PLSCR5: variants seen among roughly 807,000 people sequenced by gnomAD.
PLSCR5 encodes the protein phospholipid scramblase family member 5, also known as phospholipid scramblase family, member 5.
A neutral mutation model predicts 33.6 loss-of-function variants in PLSCR5; 44 were observed. The ratio of observed to expected loss-of-function variants is 1.31; its 90% CI spans 1.03 to 1.69. The LOEUF is 1.69. PLSCR5 is among the 40% of genes most tolerant of loss of function. The probability of loss-of-function intolerance (pLI) is 0.00; values close to 1 mark genes in which losing one functional copy is unlikely to be tolerated. For synonymous variants in PLSCR5, 148 were observed against 112.3 expected, an observed-to-expected ratio of 1.32 and a Z score of -2.01; for missense variants, 375 against 318.7, an observed-to-expected ratio of 1.18 and a Z score of -1.34.
chr3:146,597,981 G>A (rs990439183), intron 2 of PLSCR5, among the ~76,000 whole-genome samples: 2 of 151,898 alleles, frequency 1.3e-5, no homozygotes, highest in African/African-American at 2.4e-5. Flanking sequence ...ACAGTAAAAT[G>A]TTATTGACTG....
At chr3:146,598,142 G>A (rs2044778523) in intron 2 of PLSCR5, among the ~76,000 whole-genome samples, 1 of 152,068 alleles carries the variant, frequency 6.6e-6, no homozygotes, top group South Asian at 2.1e-4. Flanking sequence ...TTGATTAAAA[G>A]AGAATAGATG....
intron 6 of PLSCR5, among the ~76,000 whole-genome samples, chr3:146,587,162 G>A (rs1164695660): frequency 6.6e-6 from 1 of 152,098 alleles, no homozygotes; most frequent in East Asian, 1.9e-4. Flanking sequence ...TGCATCTGGG[G>A]TGGGATCTGA....
At chr3:146,603,150 G>A (rs975497419) in intron 1 of PLSCR5, among the ~76,000 whole-genome samples, 5 of 152,064 alleles carry the variant, frequency 3.3e-5, no homozygotes, top group African/African-American at 1.2e-4. Context: ...CTGTCTTTTG[G>A]TTTAGTAGTG....
chr3:146,586,340 C>A (rs2044665524), intron 6 of PLSCR5, among the ~76,000 whole-genome samples: 1 of 152,124 alleles, frequency 6.6e-6, no homozygotes. Flanking sequence ...TCTGAATCTG[C>A]ATGGTATTGT....
intron 7 of PLSCR5, chr3:146,576,768 A>G (rs1576813360): frequency 6.7e-6 from 1 of 148,854 alleles, no homozygotes; most frequent in African/African-American, 2.4e-5. Context: ...GCTTAAAGAT[A>G]ATAGGCTAGA....
intron 1 of PLSCR5, among the ~76,000 whole-genome samples, chr3:146,600,963 A>G (rs1301305287): frequency 2.7e-5 from 4 of 147,934 alleles, no homozygotes; most frequent in African/African-American, 9.8e-5. Flanking sequence ...ATATATTTAT[A>G]TATATACTTA....
chr3:146,589,806 G>C lies in PLSCR5; in HGVS notation c.624C>G (p.Thr208=), dbSNP rs756594036. The change falls in exon 6 of 8, where the codon ACC becomes ACG. Residue 208 remains threonine (T), a synonymous_variant. Transcript: ENST00000443512. ...CFGDVDFEVK[T]INEKLTIGKI... is the part of the protein sequence containing the mutation. ...TCCCAATTGTAAGCTTTTCATTAATGGTTTTCACCTTTAGAAAGAAAATAA... is the reference window on the plus strand; with the variant it reads ...TCCCAATTGTAAGCTTTTCATTAATCGTTTTCACCTTTAGAAAGAAAATAA... The C allele has an allele frequency of 7.2e-6, 11 of 1,530,686 alleles. No homozygotes were observed. In the Admixed American group the frequency reaches 1.1e-4, roughly 15 times the overall value. 94.8% of individuals were successfully genotyped at this position (1,530,686 alleles called of 1,614,324 possible).
At chr3:146,577,805 T>C (rs1454031887) in intron 7 of PLSCR5, among the ~76,000 whole-genome samples, 1 of 152,142 alleles carries the variant, frequency 6.6e-6, no homozygotes, top group Non-Finnish European at 1.5e-5. Flanking sequence ...GAATACTCAA[T>C]AGAAATTTGT....
At chr3:146,578,288 A>T (rs1350061235) in intron 7 of PLSCR5, among the ~76,000 whole-genome samples, 1 of 152,126 alleles carries the variant, frequency 6.6e-6, no homozygotes, top group East Asian at 1.9e-4. Context: ...TTTATCTATT[A>T]TGTGGAATAA....
At chr3:146,586,226 C>T in intron 6 of PLSCR5, 114 bp from the exon 7 acceptor site, 1 of 1,038,426 alleles carries the variant, frequency 9.6e-7, no homozygotes, top group Non-Finnish European at 1.3e-6. Flanking sequence ...AGTGGTGTTC[C>T]AGTATTATGA....
rs371392866 is a variant in PLSCR5 at position 146,589,786 on chromosome 3, A to G, written c.644T>C (p.Ile215Thr). ...TGACCAGTACTTTGAAATCTTCCCA[A>G]TTGTAAGCTTTTCATTAATGGTTTT... ...EVKTINEKLT[I>T]GKISKYWSGF... Residue 215 changes from isoleucine (I) to threonine (T), a missense_variant, in exon 6 of 8, where the codon ATT (isoleucine) becomes ACT (threonine). Coordinates refer to ENST00000443512, the MANE Select transcript of PLSCR5 (RefSeq NM_001085420.2). 6.4e-6 allele frequency: 10 copies of G among 1,557,654 alleles called. No individual in the cohort carries two copies. Among genetic ancestry groups the G allele is most frequent in the South Asian group, 4.7e-5 (4 of 85,180 alleles).
intron 5 of PLSCR5, among the ~76,000 whole-genome samples, chr3:146,590,997 GT>G (rs371124404): frequency 8.3e-4 from 118 of 141,900 alleles, no homozygotes; most frequent in Middle Eastern, 3.7e-3. Flanking sequence ...GTTTTTTTTT[GT>G]TTTTTTTTTT....
downstream of PLSCR5, among the ~76,000 whole-genome samples, chr3:146,585,578 A>T (rs1479356585): frequency 6.6e-6 from 1 of 152,142 alleles, no homozygotes; most frequent in Admixed American, 6.5e-5. Context: ...CAAAGTATAA[A>T]GGGACTACTT....
intron 7 of PLSCR5, among the ~76,000 whole-genome samples, chr3:146,577,628 C>T (rs970184056): frequency 2.0e-5 from 3 of 152,036 alleles, no homozygotes; most frequent in African/African-American, 7.2e-5. Context: ...AACTGTCCAT[C>T]AATTCAGTCT....
intron 2 of PLSCR5, among the ~76,000 whole-genome samples, chr3:146,596,345 T>C (rs1228839586): frequency 6.6e-6 from 1 of 152,114 alleles, no homozygotes; most frequent in Non-Finnish European, 1.5e-5. Flanking sequence ...CACGCCACCA[T>C]GCTCGGCTAA....
intron 2 of PLSCR5, among the ~76,000 whole-genome samples, chr3:146,599,129 AT>A (rs1439110467): frequency 6.6e-6 from 1 of 152,232 alleles, no homozygotes; most frequent in Non-Finnish European, 1.5e-5. Flanking sequence ...AAAAGCAACA[AT>A]AATATACATA....
At chr3:146,588,673 G>A (rs2044684947) in intron 6 of PLSCR5, among the ~76,000 whole-genome samples, 1 of 152,042 alleles carries the variant, frequency 6.6e-6, no homozygotes. Flanking sequence ...TGTCAGAAAG[G>A]ACATCATTAT....
At chr3:146,595,190 T>C (rs1162969953) in intron 2 of PLSCR5, 107 bp from the exon 3 acceptor site, 1 of 525,306 alleles carries the variant, frequency 1.9e-6, no homozygotes, top group Admixed American at 4.4e-5. Flanking sequence ...ATTAGTGATT[T>C]TCATGCTTTC....
chr3:146,593,858 CT>C, intron 4 of PLSCR5, 61 bp downstream of exon 4: 1 of 1,497,696 alleles, frequency 6.7e-7, no homozygotes, highest in Non-Finnish European at 9.3e-7. Context: ...AGATGAATTC[CT>C]TTTAAAGAAA....
Sources: allele counts gnomAD v4.1 joint callset (sites outside exome capture counted in the v4.1 genomes callset), GRCh38; gene constraint gnomAD v4.1.1; transcripts MANE v1.5; gene names NCBI Gene and HGNC (gene_info 2026-07-23, HGNC 2026-07-21).